DOCK7: variants seen among roughly 807,000 people sequenced by gnomAD.
DOCK7 encodes dedicator of cytokinesis protein 7.
A neutral mutation model predicts 271.0 loss-of-function variants in DOCK7; 138 were observed. That is an observed-to-expected ratio of 0.51 (90% CI 0.44 to 0.59). The LOEUF is 0.59. DOCK7 is among the 20% of genes least tolerant of loss of function. DOCK7 has a pLI of 0.00. For synonymous variants in DOCK7, 823 were observed against 876.1 expected (o/e 0.94, Z 1.07); for missense variants, 2,066 against 2,592.4 (o/e 0.80, Z 4.41).
intron 1 of DOCK7, among the ~76,000 whole-genome samples, chr1:62,671,764 A>G (rs1660032295): frequency 6.6e-6 from 1 of 152,146 alleles, no homozygotes; most frequent in Admixed American, 6.5e-5. Flanking sequence ...CTACCAAAAC[A>G]CAATACTCTC....
At chr1:62,555,685 A>C in intron 21 of DOCK7, 140 bp downstream of exon 21, 1 of 837,556 alleles carries the variant, frequency 1.2e-6, no homozygotes, top group Non-Finnish European at 1.8e-6. Context: ...CACCTAGCAC[A>C]GTGAATGGTA....
chr1:62,470,472 T>A (rs1046578731), intron 48 of DOCK7, among the ~76,000 whole-genome samples: 5 of 152,070 alleles, frequency 3.3e-5, no homozygotes, highest in Non-Finnish European at 5.9e-5. Flanking sequence ...TAAAAGACTA[T>A]CAACTGGGTT....
chr1:62,673,058 T>C (rs553551010), intron 1 of DOCK7, among the ~76,000 whole-genome samples: 11 of 152,266 alleles, frequency 7.2e-5, no homozygotes, highest in Middle Eastern at 3.4e-3. Flanking sequence ...ATCTAAGCCA[T>C]TGTCTTTATG....
At chr1:62,541,993 T>C (rs544262561) in intron 25 of DOCK7, among the ~76,000 whole-genome samples, 1 of 152,276 alleles carries the variant, frequency 6.6e-6, no homozygotes, top group East Asian at 1.9e-4. Context: ...CTCCTCAGCC[T>C]TCCAAGTAGA....
Position 62,455,336 on chromosome 1 carries a change from T to C in DOCK7, c.*78A>G, listed in dbSNP as rs1182123936. The C allele has an allele frequency of 2.1e-6, 3 of 1,453,272 alleles. No individual in the cohort carries two copies. The highest frequency in any genetic ancestry group is 2.9e-6 in the Non-Finnish European group (3 of 1,038,590). The allele number at this position is 1,453,272 out of a possible 1,614,324, so 90.0% of individuals were successfully genotyped here. A position where few individuals can be genotyped will look rare whatever the true frequency, so the allele number is the denominator to read the frequency against. ...ATAATTTCCAGAATTCCATTCCATG[T>C]TGTTTTCCAATAGATCTTTTCACAC... is the stretch of plus-strand genomic sequence containing the variant. On this transcript the variant is annotated 3_prime_UTR_variant, in exon 50 of 50. Coordinates refer to ENST00000635253, the MANE Select transcript of DOCK7 (RefSeq NM_001367561.1).
chr1:62,555,637 T>C (rs1030130066), intron 21 of DOCK7, among the ~76,000 whole-genome samples, 188 bp downstream of exon 21: 5 of 152,228 alleles, frequency 3.3e-5, no homozygotes, highest in Non-Finnish European at 7.3e-5. Context: ...TAAAAAAAGA[T>C]GTCTAAAAAT....
chr1:62,592,471 T>A (rs1258737998), intron 14 of DOCK7, among the ~76,000 whole-genome samples: 11 of 152,142 alleles, frequency 7.2e-5, no homozygotes, highest in Non-Finnish European at 1.3e-4. Flanking sequence ...TTTTAAAGCA[T>A]CTATTAATAC....
At chr1:62,601,406 T>C (rs1296638028) in intron 14 of DOCK7, among the ~76,000 whole-genome samples, 2 of 151,608 alleles carry the variant, frequency 1.3e-5, no homozygotes, top group Admixed American at 1.3e-4. Flanking sequence ...TATTAGATAA[T>C]ATAGAAGGTT....
intron 48 of DOCK7, among the ~76,000 whole-genome samples, chr1:62,463,264 C>T (rs1645582996): frequency 6.6e-6 from 1 of 151,988 alleles, no homozygotes; most frequent in African/African-American, 2.4e-5. Flanking sequence ...AAATTTAATC[C>T]ACGACTACCT....
At chr1:62,634,554 T>C in intron 9 of DOCK7, 1 of 364,942 alleles carries the variant, frequency 2.7e-6, no homozygotes, top group Non-Finnish European at 4.9e-6. Context: ...CTAAGATATA[T>C]ATATAATTCC....
chr1:62,506,796 A>C (rs1325621327), intron 35 of DOCK7, among the ~76,000 whole-genome samples: 1 of 150,924 alleles, frequency 6.6e-6, no homozygotes, highest in Non-Finnish European at 1.5e-5. Flanking sequence ...AAAAATACAC[A>C]ATCAGCTGGG....
chr1:62,551,920 C>T (rs1193259379), intron 22 of DOCK7, among the ~76,000 whole-genome samples: 2 of 151,590 alleles, frequency 1.3e-5, no homozygotes, highest in Admixed American at 6.6e-5. Flanking sequence ...TATAATCTAT[C>T]AAACCTAAAA....
intron 48 of DOCK7, among the ~76,000 whole-genome samples, chr1:62,467,449 C>A (rs891305888): frequency 2.0e-5 from 3 of 152,176 alleles, no homozygotes; most frequent in African/African-American, 7.2e-5. Context: ...TGCCAGAAAA[C>A]AAACTGACAT....
At chr1:62,585,618 T>C (rs1271610404) in intron 15 of DOCK7, among the ~76,000 whole-genome samples, 1 of 152,120 alleles carries the variant, frequency 6.6e-6, no homozygotes, top group African/African-American at 2.4e-5. Context: ...CTCACCACTG[T>C]CATTACTGTT....
chr1:62,618,208 A>G (rs930567817), intron 14 of DOCK7, among the ~76,000 whole-genome samples: 4 of 152,164 alleles, frequency 2.6e-5, no homozygotes, highest in Admixed American at 1.3e-4. Flanking sequence ...CATGTCAAGT[A>G]TTCTCTAGAT....
In DOCK7 at chr1:62,552,748, G is replaced by A; in HGVS notation, c.2750C>T (p.Ser917Leu). Residue 917 changes from serine (S) to leucine (L), a missense_variant, in exon 22 of 50, where the codon TCA (serine) becomes TTA (leucine). Transcript: ENST00000635253. Reference protein sequence around the residue: ...TPTSPDDEVRSIIGSKGLDRS... With the variant: ...TPTSPDDEVRLIIGSKGLDRS... ...TCAGTTTACCTTACTCCCGATGATT[G>A]ATCGAACTTCATCATCTGGTGACGT... 6 of 1,611,488 alleles carry A rather than the reference G, an allele frequency of 3.7e-6. No homozygotes were observed. The highest frequency in any genetic ancestry group is 5.1e-6 in the Non-Finnish European group (6 of 1,178,622).
At chr1:62,460,210 A>G (rs999105715) in intron 48 of DOCK7, among the ~76,000 whole-genome samples, 2 of 151,882 alleles carry the variant, frequency 1.3e-5, no homozygotes, top group African/African-American at 4.8e-5. Flanking sequence ...CCTAATGGAG[A>G]CTATAAGAAA....
chr1:62,663,199 G>C, intron 1 of DOCK7, 69 bp from the exon 2 acceptor site: 1 of 1,230,178 alleles, frequency 8.1e-7, no homozygotes, highest in Non-Finnish European at 1.2e-6. Context: ...TTAAAATGGA[G>C]GGAAGCTAAA....
intron 40 of DOCK7, among the ~76,000 whole-genome samples, chr1:62,493,470 A>G (rs531334804): frequency 2.0e-5 from 3 of 152,294 alleles, no homozygotes; most frequent in South Asian, 2.1e-4. Flanking sequence ...GTAAATACCG[A>G]TAAGGCAACA....
Sources: gnomAD v4.1 joint callset for allele counts (sites outside exome capture counted in the v4.1 genomes callset) on GRCh38, gnomAD v4.1.1 for gene constraint, MANE v1.5 for transcripts, NCBI Gene and HGNC (gene_info 2026-07-23, HGNC 2026-07-21) for gene names.